The following PSAT1 variants were observed in gnomAD, a reference collection of about 807,000 sequenced individuals.
PSAT1 encodes the protein phosphoserine aminotransferase 1.
PSAT1 carries 41 observed loss-of-function variants against 40.3 expected under a neutral mutation model. The observed-to-expected ratio is 1.02, with a 90% CI of 0.79 to 1.32. The LOEUF (loss-of-function observed/expected upper bound fraction) is 1.32, where lower values mean the gene tolerates loss of function less well. Among genes scored for constraint, PSAT1 ranks in the 40% most tolerant of loss-of-function variants. PSAT1 has a pLI of 0.00. For missense variants in PSAT1, 406 were observed against 455.8 expected (o/e 0.89, Z 0.99); for synonymous variants, 147 against 170.5 (o/e 0.86, Z 1.07).
chr9:78,309,721 G>A (rs976509701), intron 6 of PSAT1, among the ~76,000 whole-genome samples: 3 of 152,174 alleles, frequency 2.0e-5, no homozygotes, highest in African/African-American at 2.4e-5. Flanking sequence ...GCTCTCATTC[G>A]CTGACTGGGG....
chr9:78,314,157 T>A (rs1461272888), intron 6 of PSAT1, among the ~76,000 whole-genome samples: 1 of 152,190 alleles, frequency 6.6e-6, no homozygotes, highest in African/African-American at 2.4e-5. Context: ...GCCCTTGTGT[T>A]TTCAAGATTT....
chr9:78,314,726 G>A (rs115358789), intron 6 of PSAT1, among the ~76,000 whole-genome samples: 1 of 152,258 alleles, frequency 6.6e-6, no homozygotes, highest in African/African-American at 2.4e-5. Flanking sequence ...GGCGGCGAGT[G>A]TGAGCACAGC....
In PSAT1 at chr9:78,330,055, T is replaced by C. The variant is rs1376897466; in HGVS notation, c.*969T>C. 1 of 152,230 alleles carries C rather than the reference T, an allele frequency of 6.6e-6. No individual in the cohort carries two copies. Among genetic ancestry groups the C allele is most frequent in the Non-Finnish European group, 1.5e-5 (1 of 68,048 alleles). 9.4% of individuals were successfully genotyped at this position (152,230 alleles called of 1,614,324 possible). ...GTTTATCTATTGTCAGTATTTTATG[T>C]TGAATATGTAAAGAACATTAAAGTC... On this transcript the variant is annotated 3_prime_UTR_variant, in exon 9 of 9. Coordinates refer to ENST00000376588, the MANE Select transcript of PSAT1 (RefSeq NM_058179.4).
chr9:78,320,415 T>C (rs1828411939), intron 7 of PSAT1, among the ~76,000 whole-genome samples: 1 of 148,800 alleles, frequency 6.7e-6, no homozygotes, highest in South Asian at 2.2e-4. Flanking sequence ...TATCTATCCA[T>C]CTACCTACAC....
At chr9:78,326,480 C>T (rs182756469) in intron 7 of PSAT1, among the ~76,000 whole-genome samples, 3 of 151,926 alleles carry the variant, frequency 2.0e-5, no homozygotes, top group South Asian at 2.1e-4. Context: ...TTTTGAGAGT[C>T]GATATGTACC....
intron 7 of PSAT1, among the ~76,000 whole-genome samples, chr9:78,322,608 G>C (rs1238782005): frequency 6.6e-6 from 1 of 152,112 alleles, no homozygotes; most frequent in Non-Finnish European, 1.5e-5. Flanking sequence ...AAAAATGACA[G>C]AATGAGAAAG....
intron 7 of PSAT1, among the ~76,000 whole-genome samples, chr9:78,318,527 G>C (rs1000840359): frequency 6.6e-5 from 10 of 152,100 alleles, no homozygotes; most frequent in Admixed American, 6.6e-4. Context: ...ATGTCAGCAG[G>C]GTTTTGGTCC....
chr9:78,320,726 C>T (rs575541130), intron 7 of PSAT1, among the ~76,000 whole-genome samples: 1 of 143,898 alleles, frequency 6.9e-6, no homozygotes, highest in East Asian at 2.1e-4. Context: ...AGGACCTGCT[C>T]TGTACACTAG....
chr9:78,299,144 C>CAAAAAAAAAAAAAAA (rs71360679), intron 1 of PSAT1, among the ~76,000 whole-genome samples: 2 of 87,288 alleles, frequency 2.3e-5, no homozygotes, highest in Non-Finnish European at 4.2e-5. Flanking sequence ...TGTCTCTTAA[C>CAAAAAAAAAAAAAAA]AAAAAAAAAA....
In PSAT1 at chr9:78,317,680, T is replaced by C. The variant is rs1219986089; in HGVS notation, c.745T>C (p.Tyr249His). Residue 249 changes from tyrosine to histidine, a missense_variant, in exon 7 of 9, where the codon TAC becomes CAC. Tyr to His is a moderately conservative substitution (Grantham distance 83). Coordinates refer to ENST00000376588, the MANE Select transcript of PSAT1 (RefSeq NM_058179.4). ...TTTTAAAAATCTTCATTTTAGCATC[T>C]ACGTCATGGGCTTGGTTCTGGAGTG... ...LYNTPPCFSIYVMGLVLEWIK... is the reference protein window; with the variant it reads ...LYNTPPCFSIHVMGLVLEWIK... 1.2e-6 allele frequency: 2 copies of C among 1,613,570 alleles called. No individual in the cohort carries two copies. The highest frequency in any genetic ancestry group is 1.7e-6 in the Non-Finnish European group (2 of 1,179,844).
At chr9:78,315,188 A>C (rs1828323937) in intron 6 of PSAT1, among the ~76,000 whole-genome samples, 1 of 152,302 alleles carries the variant, frequency 6.6e-6, no homozygotes, top group South Asian at 2.1e-4. Flanking sequence ...CAGGGGAGCT[A>C]GTGGCTGGAG....
At chr9:78,311,562 G>A (rs898704994) in intron 6 of PSAT1, among the ~76,000 whole-genome samples, 1 of 151,982 alleles carries the variant, frequency 6.6e-6, no homozygotes, top group Non-Finnish European at 1.5e-5. Flanking sequence ...GGCCGGGTGC[G>A]GTGGCTCACA....
At chr9:78,306,599 T>G in intron 5 of PSAT1, 113 bp downstream of exon 5, 1 of 1,336,650 alleles carries the variant, frequency 7.5e-7, no homozygotes, top group East Asian at 2.3e-5. Context: ...GCAGAACCCC[T>G]GAGCCAGTGC....
At chr9:78,300,198 A>T (rs1014946812) in intron 1 of PSAT1, among the ~76,000 whole-genome samples, 2 of 152,078 alleles carry the variant, frequency 1.3e-5, no homozygotes, top group African/African-American at 4.8e-5. Flanking sequence ...AGCACCTTAG[A>T]CCAAAAGAGA....
rs370535310 is a variant in PSAT1 at position 78,304,854 on chromosome 9, C to T, written c.311C>T (p.Thr104Ile). ...KAGRCADYVV[T>I]GAWSAKAAEE... The stretch of plus-strand genomic sequence containing the variant: ...GGAAGGTGTGCTGACTATGTGGTGA[C>T]AGGAGCTTGGTCAGCTAAGGCCGCA... The change falls in exon 4 of 9, where the codon ACA becomes ATA. Residue 104 changes from threonine (T) to isoleucine (I), a missense_variant. Thr to Ile is a moderately conservative substitution (Grantham distance 89). Coordinates refer to ENST00000376588, the MANE Select transcript of PSAT1 (RefSeq NM_058179.4). 1.9e-6 allele frequency: 3 copies of T among 1,614,020 alleles called. No individual in the cohort carries two copies. Among genetic ancestry groups the T allele is most frequent in the African/African-American group, 2.7e-5 (2 of 74,926 alleles).
At chr9:78,309,455 C>G (rs1372600006) in intron 6 of PSAT1, among the ~76,000 whole-genome samples, 1 of 152,222 alleles carries the variant, frequency 6.6e-6, no homozygotes, top group Non-Finnish European at 1.5e-5. Context: ...CTCCACCTCC[C>G]AGGTTCAAGC....
At chr9:78,323,808 A>G (rs1828461190) in intron 7 of PSAT1, among the ~76,000 whole-genome samples, 1 of 152,190 alleles carries the variant, frequency 6.6e-6, no homozygotes, top group African/African-American at 2.4e-5. Context: ...ATTTAAAATT[A>G]ATTTTTTGTT....
At position 78,329,216 on chromosome 9, in the gene PSAT1, T is replaced by C. The variant is rs1828545808; in HGVS notation, c.*130T>C. ...ATGTTTATTGCAGATTCTTCTTTTT[T>C]GAAAGAACAACAGCAAAACATCCAC... On this transcript the variant is annotated 3_prime_UTR_variant, in exon 9 of 9. Transcript: ENST00000376588. 2 of 724,512 alleles carry C rather than the reference T, an allele frequency of 2.8e-6. No homozygotes were observed. Among genetic ancestry groups the C allele is most frequent in the Non-Finnish European group, 4.9e-6 (2 of 411,032 alleles). The allele number at this position is 724,512 out of a possible 1,614,324, so 44.9% of individuals were successfully genotyped here.
At chr9:78,309,450 C>T (rs1302665854) in intron 6 of PSAT1, among the ~76,000 whole-genome samples, 1 of 152,206 alleles carries the variant, frequency 6.6e-6, no homozygotes, top group Non-Finnish European at 1.5e-5. Flanking sequence ...GCAACCTCCA[C>T]CTCCCAGGTT....
Sources: allele counts gnomAD v4.1 joint callset (sites outside exome capture counted in the v4.1 genomes callset), GRCh38; gene constraint gnomAD v4.1.1; transcripts MANE v1.5; gene names NCBI Gene and HGNC (gene_info 2026-07-23, HGNC 2026-07-21).